The following CROCC2 variants were observed in gnomAD, a reference collection of about 807,000 sequenced individuals.
The protein encoded by CROCC2 is ciliary rootlet coiled-coil protein 2.
In CROCC2, 163 loss-of-function variants were observed where a neutral mutation model predicts 177.6. The ratio of observed to expected loss-of-function variants is 0.92; its 90% CI spans 0.81 to 1.05. The LOEUF is 1.05. Ranked by LOEUF, CROCC2 falls within the 50% of genes least tolerant of loss-of-function variation. The pLI is 0.00. For synonymous variants in CROCC2, 904 were observed against 787.3 expected (o/e 1.15, Z -2.48); for missense variants, 1,929 against 1,797.8 (o/e 1.07, Z -1.32).
intron 1 of CROCC2, among the ~76,000 whole-genome samples, chr2:240,910,906 G>T (rs549862337): frequency 6.6e-6 from 1 of 152,072 alleles, no homozygotes; most frequent in Non-Finnish European, 1.5e-5. Flanking sequence ...TAAGGCGGGC[G>T]GATCGCTTGA....
chr2:240,954,686 T>G (rs1212039871), intron 18 of CROCC2: 1 of 152,212 alleles, frequency 6.6e-6, no homozygotes, highest in African/African-American at 2.4e-5. Context: ...GTTAGGTGAT[T>G]GAAGCCCACT....
chr2:240,972,430 G>A lies in CROCC2; in HGVS notation c.4401+4168G>A, dbSNP rs1016888494. Among the ~76,000 whole-genome samples, 1 of 152,058 alleles carries A rather than the reference G, an allele frequency of 6.6e-6. No individual in the cohort carries two copies. The highest frequency in any genetic ancestry group is 2.4e-5 in the African/African-American group (1 of 41,390). On this transcript the variant is annotated intron_variant, in intron 27 of 31. Coordinates refer to ENST00000690015, the MANE Select transcript of CROCC2 (RefSeq NM_001351305.2). The surrounding 1 kb of genome is among the most constrained non-coding windows in gnomAD (Gnocchi z 7.1). ...CCCAGCTGCTTGCCTCACAGGGATG[G>A]AGGGCTCCCCGGGTCCCCCAGCCAC...
At chr2:240,909,289 A>T (rs1327114921) in intron 1 of CROCC2, among the ~76,000 whole-genome samples, 1 of 139,186 alleles carries the variant, frequency 7.2e-6, no homozygotes, top group Non-Finnish European at 1.5e-5. Flanking sequence ...TACCTCCTCC[A>T]CCTCGGGTGA....
At chr2:240,975,634 C>T (rs1297284279) in intron 27 of CROCC2, among the ~76,000 whole-genome samples, 1 of 152,110 alleles carries the variant, frequency 6.6e-6, no homozygotes, top group East Asian at 1.9e-4. Context: ...TATTTCCCAG[C>T]CTTCGCTCCC....
At position 240,958,536 on chromosome 2, in the gene CROCC2, A is replaced by G. The variant is rs2059608367; in HGVS notation, c.2944-765A>G. The G allele has an allele frequency of 1.0e-6, 1 of 982,514 alleles. No homozygotes were observed. Among genetic ancestry groups the G allele is most frequent in the Non-Finnish European group, 1.2e-6 (1 of 827,296 alleles). The allele number at this position is 982,514 out of a possible 1,614,324, so 60.9% of individuals were successfully genotyped here. A position where few individuals can be genotyped will look rare whatever the true frequency, so the allele number is the denominator to read the frequency against. On this transcript the variant is annotated intron_variant, in intron 19 of 31. Transcript: ENST00000690015. The surrounding 1 kb of genome is among the most constrained non-coding windows in gnomAD (Gnocchi z 6.7). ...CCATGTGGGCACCTGTGCCCCCAGGAACACAAAGCCAGCTCTGGAGGGAGC... is the reference window on the plus strand; with the variant it reads ...CCATGTGGGCACCTGTGCCCCCAGGGACACAAAGCCAGCTCTGGAGGGAGC...
At chr2:240,913,093 G>A (rs1004934654) in intron 1 of CROCC2, among the ~76,000 whole-genome samples, 4 of 152,244 alleles carry the variant, frequency 2.6e-5, no homozygotes, top group South Asian at 2.1e-4. Flanking sequence ...CCATCCTCCC[G>A]CTCAGGAACC....
At chr2:240,922,407 C>T (rs1046950281) in intron 3 of CROCC2, 132 bp from the exon 4 acceptor site, 2 of 573,522 alleles carry the variant, frequency 3.5e-6, no homozygotes, top group Non-Finnish European at 6.3e-6. Context: ...CAGACCCAAC[C>T]CCAGCCCCTG....
At chr2:240,912,915 G>A (rs1232052810) in intron 1 of CROCC2, among the ~76,000 whole-genome samples, 3 of 152,208 alleles carry the variant, frequency 2.0e-5, no homozygotes, top group Non-Finnish European at 4.4e-5. Flanking sequence ...CCCACCACGG[G>A]ACAGGAGCGG....
intron 24 of CROCC2, 110 bp from the exon 25 acceptor site, chr2:240,966,115 G>C (rs545487383): frequency 1.6e-6 from 2 of 1,262,588 alleles, no homozygotes; most frequent in African/African-American, 3.1e-5. Context: ...GTAGGAACCT[G>C]TGGCCGTCTC....
At chr2:240,912,290 C>T (rs757868296) in intron 1 of CROCC2, among the ~76,000 whole-genome samples, 2 of 152,152 alleles carry the variant, frequency 1.3e-5, no homozygotes, top group African/African-American at 2.4e-5. Context: ...CCATCCAGAG[C>T]GGGCACAGAC....
intron 1 of CROCC2, among the ~76,000 whole-genome samples, chr2:240,909,715 A>G (rs2059275545): frequency 6.6e-6 from 1 of 152,188 alleles, no homozygotes; most frequent in South Asian, 2.1e-4. Context: ...GAGGCTACGC[A>G]GGCCCCAGTG....
rs1354165811 is a variant in CROCC2 at position 240,918,258 on chromosome 2, T to A, written c.79-468T>A. On this transcript the variant is annotated intron_variant, in intron 1 of 31. Coordinates refer to ENST00000690015, the MANE Select transcript of CROCC2 (RefSeq NM_001351305.2). The surrounding 1 kb of genome is among the most constrained non-coding windows in gnomAD (Gnocchi z 6.3). ...CCCCAACAAACACACACAAACACAC[T>A]GGGCTCTGTGACTGCTGCGTGGGAT... Among the ~76,000 whole-genome samples, 3 of 151,896 alleles carry A rather than the reference T, an allele frequency of 2.0e-5. No individual in the cohort carries two copies. Among genetic ancestry groups the A allele is most frequent in the Admixed American group, 1.3e-4 (2 of 15,276 alleles).
At position 240,982,964 on chromosome 2, in the gene CROCC2, G is replaced by A; in HGVS notation, c.4486G>A (p.Glu1496Lys). 1 of 1,550,508 alleles carries A rather than the reference G, an allele frequency of 6.4e-7. No homozygotes were observed. Among genetic ancestry groups the A allele is most frequent in the Non-Finnish European group, 8.7e-7 (1 of 1,146,968 alleles). The change falls in exon 28 of 32, where the codon GAA (glutamate) becomes AAA (lysine). Residue 1496 changes from glutamate to lysine, a missense_variant. By Grantham distance (56) the Glu-to-Lys change is moderately conservative. Transcript: ENST00000690015. This position sits in a 1 kb window ranked among gnomAD's most constrained non-coding sequence, Gnocchi z 4.7. Reference sequence around the variant, plus strand: ...GGCCAAGCAGGGGAAGCTGCTGGAAGAACAGCTCACCAACTTGGAGCACAG... The same window carrying A: ...GGCCAAGCAGGGGAAGCTGCTGGAAAAACAGCTCACCAACTTGGAGCACAG... ...GLAKQGKLLEEQLTNLEHRCQ... is the reference protein window; with the variant it reads ...GLAKQGKLLEKQLTNLEHRCQ...
rs374516693 is a variant in CROCC2 at position 240,917,463 on chromosome 2, G to A, written c.79-1263G>A. 2.0e-4 allele frequency among the ~76,000 whole-genome samples: 31 copies of A among 152,246 alleles called. 1 individual carries two copies. Among genetic ancestry groups the A allele is most frequent in the African/African-American group, 6.7e-4 (28 of 41,538 alleles). ...CAGCCCAGGCCTGAGGTCAGAGTCC[G>A]GGGACGCAAGCAGGGTCTCAGGGAG... On this transcript the variant is annotated intron_variant, in intron 1 of 31. Transcript: ENST00000690015. This position sits in a 1 kb window ranked among gnomAD's most constrained non-coding sequence, Gnocchi z 4.9.
intron 27 of CROCC2, among the ~76,000 whole-genome samples, chr2:240,971,572 C>T (rs1362054480): frequency 6.6e-6 from 1 of 152,160 alleles, no homozygotes; most frequent in Non-Finnish European, 1.5e-5. Context: ...CAGAGGCCTC[C>T]TTGTTTTTGA....
chr2:240,922,659 C>T lies in CROCC2; in HGVS notation c.488+14C>T, dbSNP rs1445409559. ...TGCCGAGGAGAGGTGAGGCCAGGTG[C>T]GGGGCAGTCAGGGCTGCAGGAAGCA... On this transcript the variant is annotated intron_variant, in intron 4 of 31. Transcript: ENST00000690015. 1.5e-5 allele frequency: 9 copies of T among 601,202 alleles called. No homozygotes were observed. Among genetic ancestry groups the T allele is most frequent in the East Asian group, 6.3e-5 (2 of 31,862 alleles). 37.2% of individuals were successfully genotyped at this position (601,202 alleles called of 1,614,324 possible).
intron 3 of CROCC2, among the ~76,000 whole-genome samples, chr2:240,921,807 G>A (rs1008953818): frequency 7.9e-5 from 12 of 152,226 alleles, no homozygotes; most frequent in Non-Finnish European, 4.4e-5. Context: ...GCTCTCCCAT[G>A]CATTTGGCCC....
intron 14 of CROCC2, among the ~76,000 whole-genome samples, chr2:240,942,998 T>G (rs1259826283): frequency 6.6e-6 from 1 of 152,182 alleles, no homozygotes; most frequent in African/African-American, 2.4e-5. Flanking sequence ...AATACATACT[T>G]TTTCAAAGCA....
chr2:240,987,367 G>A (rs1448924913), intron 28 of CROCC2, among the ~76,000 whole-genome samples: 1 of 152,182 alleles, frequency 6.6e-6, no homozygotes, highest in Non-Finnish European at 1.5e-5. Context: ...CCCGGATGTG[G>A]CCGTTTATTT....
Sources: gnomAD v4.1 joint callset for allele counts (sites outside exome capture counted in the v4.1 genomes callset) on GRCh38, gnomAD v4.1.1 for gene constraint, Gnocchi (gnomAD v3.1) non-coding constraint, MANE v1.5 for transcripts, NCBI Gene and HGNC (gene_info 2026-07-23, HGNC 2026-07-21) for gene names.